The following SYNPO variants were observed in gnomAD, a reference collection of about 807,000 sequenced individuals.
The protein encoded by SYNPO is synaptopodin.
Under a neutral mutation model 49.5 loss-of-function variants are expected in SYNPO, and 19 were observed. The observed-to-expected ratio is 0.38, with a 90% confidence interval of 0.27 to 0.56. The LOEUF is 0.56. Ranked by LOEUF, SYNPO falls within the 20% of genes least tolerant of loss-of-function variation. SYNPO has a pLI of 0.68. For missense variants in SYNPO, 1,131 were observed against 1,248.3 expected (o/e 0.91, Z 1.42); for synonymous variants, 536 against 548.0 (o/e 0.98, Z 0.31).
chr5:150,603,986 G>A (rs1365637272), intron 1 of SYNPO, among the ~76,000 whole-genome samples: 2 of 152,230 alleles, frequency 1.3e-5, no homozygotes, highest in Non-Finnish European at 2.9e-5. Flanking sequence ...CTGGAGATGG[G>A]CATATGGAGT....
intron 2 of SYNPO, among the ~76,000 whole-genome samples, chr5:150,634,909 C>T (rs1450451069): frequency 6.6e-6 from 1 of 151,964 alleles, no homozygotes; most frequent in South Asian, 2.1e-4. Flanking sequence ...CCACATGATC[C>T]CCTGGGTCAT....
upstream of SYNPO, among the ~76,000 whole-genome samples, chr5:150,596,332 T>A (rs1283202446): frequency 6.6e-6 from 1 of 152,152 alleles, no homozygotes; most frequent in Admixed American, 6.5e-5. Flanking sequence ...GTGGGACTAG[T>A]CCCTTTTGCT....
At chr5:150,656,223 C>T (rs1758544613) in intron 2 of SYNPO, among the ~76,000 whole-genome samples, 181 bp from the exon 3 acceptor site, 1 of 152,016 alleles carries the variant, frequency 6.6e-6, no homozygotes, top group African/African-American at 2.4e-5. Context: ...ACAGCGGGGA[C>T]TCTTCAGGCG....
intron 1 of SYNPO, among the ~76,000 whole-genome samples, chr5:150,610,577 C>A (rs1277358698): frequency 6.6e-6 from 1 of 152,216 alleles, no homozygotes; most frequent in East Asian, 1.9e-4. Context: ...ATATTCAATA[C>A]GTGGTAGCTC....
Position 150,656,268 on chromosome 5 carries a change from T to G in SYNPO, c.2029-136T>G, listed in dbSNP as rs1001381807. The G allele has an allele frequency of 7.4e-6, 5 of 676,810 alleles. No individual in the cohort carries two copies. The African/African-American group carries it at 9.6e-5, about 13-fold the overall frequency. The allele number at this position is 676,810 out of a possible 1,614,324, so 41.9% of individuals were successfully genotyped here. ...GAGAGTTTGGGCGCCTGCGTTTTAT[T>G]GCAGGCACTACCTGACTTGGATCGG... On this transcript the variant is annotated intron_variant, in intron 2 of 2. Coordinates refer to ENST00000307662, the MANE Select transcript of SYNPO (RefSeq NM_007286.6).
chr5:150,618,510 G>C (rs1479231133), exon 2 of SYNPO: 1 of 1,551,370 alleles, frequency 6.4e-7, no homozygotes, highest in South Asian at 1.2e-5. Context: ...GGCCTGCAGG[G>C]AGAGGTGGGG....
At chr5:150,627,794 G>A (rs1005451358) in intron 2 of SYNPO, among the ~76,000 whole-genome samples, 4 of 152,108 alleles carry the variant, frequency 2.6e-5, no homozygotes, top group Admixed American at 1.3e-4. Flanking sequence ...AAGCTGGGGT[G>A]GGGGAGGATT....
At position 150,648,138 on chromosome 5, in the gene SYNPO, G is replaced by A; in HGVS notation, c.-138G>A. On this transcript the variant is annotated 5_prime_UTR_variant, in exon 2 of 3. Coordinates refer to ENST00000307662, the MANE Select transcript of SYNPO (RefSeq NM_007286.6). The surrounding 1 kb of genome is among the most constrained non-coding windows in gnomAD (Gnocchi z 5.0). ...CCAGAGGGGACAGAAGCCCAGCCAGGAGTCCCTCAGAGTGCTCCCTTCAAG... is the reference window on the plus strand; with the variant it reads ...CCAGAGGGGACAGAAGCCCAGCCAGAAGTCCCTCAGAGTGCTCCCTTCAAG... 1.3e-6 allele frequency: 2 copies of A among 1,552,856 alleles called. No homozygotes were observed. The highest frequency in any genetic ancestry group is 1.7e-6 in the Non-Finnish European group (2 of 1,147,596).
intron 2 of SYNPO, among the ~76,000 whole-genome samples, chr5:150,634,680 G>A (rs563298696): frequency 1.3e-5 from 2 of 152,106 alleles, no homozygotes; most frequent in East Asian, 3.9e-4. Flanking sequence ...AATTAGCCGG[G>A]TGTGGTGGTG....
At chr5:150,619,132 A>G (rs76057052) in intron 2 of SYNPO, among the ~76,000 whole-genome samples, 4,325 of 152,224 alleles carry the variant, frequency 0.028, 202 homozygotes, top group African/African-American at 0.098. Flanking sequence ...GATGGGGCAG[A>G]ACCCTCTCAT....
chr5:150,587,547 C>T, the SYNPO span, among the ~76,000 whole-genome samples: 5 of 152,058 alleles, frequency 3.3e-5, no homozygotes, highest in African/African-American at 1.2e-4. Context: ...CTGGGTGGAA[C>T]TTCAGAATGT....
At chr5:150,656,315 T>C in intron 2 of SYNPO, 89 bp from the exon 3 acceptor site, 2 of 1,118,032 alleles carry the variant, frequency 1.8e-6, no homozygotes, top group East Asian at 2.9e-5. Flanking sequence ...CTCGGTGTAA[T>C]GGACAAATCG....
At chr5:150,645,042 G>A (rs920087193) in intron 1 of SYNPO, among the ~76,000 whole-genome samples, 1 of 152,188 alleles carries the variant, frequency 6.6e-6, no homozygotes, top group African/African-American at 2.4e-5. Context: ...GACGCTGCTG[G>A]TCACAGCTTC....
At chr5:150,586,016 G>T in the SYNPO span, among the ~76,000 whole-genome samples, 1 of 152,248 alleles carries the variant, frequency 6.6e-6, no homozygotes, top group Non-Finnish European at 1.5e-5. Context: ...GAGGGACACT[G>T]CCAGGGGCCG....
At chr5:150,611,326 T>C (rs987397071) in intron 1 of SYNPO, among the ~76,000 whole-genome samples, 13 of 152,242 alleles carry the variant, frequency 8.5e-5, no homozygotes, top group Admixed American at 7.2e-4. Flanking sequence ...TGAATATGCA[T>C]TGAGTGAACA....
At position 150,648,598 on chromosome 5, in the gene SYNPO, G is replaced by A. The variant is rs373212175; in HGVS notation, c.323G>A (p.Ser108Asn). ...CCACCGGCAACTGTTGTCCCACAGA[G>A]CCTGCCACTTTCTAGCATCCAACAG... ...QNPPATVVPQ[S>N]LPLSSIQQNS... The change falls in exon 2 of 3, where the codon AGC becomes AAC. Residue 108 changes from serine to asparagine, a missense_variant. Ser to Asn is a conservative substitution (Grantham distance 46). This residue lies in a region of SYNPO where 602 missense variants were observed against 720.7 expected (regional missense o/e 0.84). Transcript: ENST00000307662. The surrounding 1 kb of genome is among the most constrained non-coding windows in gnomAD (Gnocchi z 5.0). The A allele has an allele frequency of 4.5e-5, 73 of 1,614,076 alleles. No individual in the cohort carries two copies. Among genetic ancestry groups the A allele is most frequent in the Admixed American group, 1.7e-4 (10 of 60,008 alleles).
rs1377875272 is a variant in SYNPO, at chr5:150,634,844, ACACACACACACACACACAC to A, written c.401-13083_401-13065del. ...CTGTCTAAAACACACACACACACAC[ACACACACACACACACACAC>A]CACACACACACACACAAAGGGGACA... On this transcript the variant is annotated intron_variant, in intron 2 of 2. Transcript: ENST00000394243. Among the ~76,000 whole-genome samples, 640 of 111,334 alleles carry A rather than the reference ACACACACACACACACACAC, an allele frequency of 5.7e-3. 5 individuals are homozygous for A. Among genetic ancestry groups the A allele is most frequent in the African/African-American group, 7.1e-3 (157 of 22,230 alleles). 73.0% of individuals were successfully genotyped at this position (111,334 alleles called of 152,430 possible). A position where few individuals can be genotyped will look rare whatever the true frequency, so the allele number is the denominator to read the frequency against.
Position 150,649,317 on chromosome 5 carries a change from G to A in SYNPO, c.1042G>A (p.Asp348Asn), listed in dbSNP as rs762411716. Residue 348 changes from aspartate (D) to asparagine (N), a missense_variant, in exon 2 of 3, where the codon GAC (aspartate) becomes AAC (asparagine). Coordinates refer to ENST00000307662, the MANE Select transcript of SYNPO (RefSeq NM_007286.6). ...ATATTCTGTCCTGTATCCCAGCTCCGACCCCAAGTCTTCTCATCTGAAGGG... is the reference window on the plus strand; with the variant it reads ...ATATTCTGTCCTGTATCCCAGCTCCAACCCCAAGTCTTCTCATCTGAAGGG... ...PSYSVLYPSSDPKSSHLKGQA... is the reference protein window; with the variant it reads ...PSYSVLYPSSNPKSSHLKGQA... 1.7e-5 allele frequency: 28 copies of A among 1,614,002 alleles called. No homozygotes were observed. Among genetic ancestry groups the A allele is most frequent in the Admixed American group, 1.3e-4 (8 of 60,004 alleles).
chr5:150,619,516 G>T (rs1757085755), intron 2 of SYNPO, among the ~76,000 whole-genome samples: 1 of 152,186 alleles, frequency 6.6e-6, no homozygotes, highest in Admixed American at 6.5e-5. Context: ...TAATTTTCCT[G>T]CAGCGGCTGC....
Sources: allele counts gnomAD v4.1 joint callset (sites outside exome capture counted in the v4.1 genomes callset), GRCh38; gene constraint gnomAD v4.1.1; regional missense constraint gnomAD v4.1.1; non-coding constraint Gnocchi (gnomAD v3.1); transcripts MANE v1.5; gene names NCBI Gene and HGNC (gene_info 2026-07-23, HGNC 2026-07-21).